Variants in IQCH observed in about 807,000 individuals in gnomAD.
IQCH encodes IQ motif containing H, also known as IQ domain-containing protein H.
IQCH carries 98 observed loss-of-function variants against 117.0 expected under a neutral mutation model. The ratio of observed to expected loss-of-function variants is 0.84; its 90% CI spans 0.71 to 0.99. The LOEUF (loss-of-function observed/expected upper bound fraction) is 0.99, where lower values mean the gene tolerates loss of function less well. IQCH is among the 50% of genes least tolerant of loss of function. IQCH has a pLI of 0.00. For missense variants in IQCH, 1,102 were observed against 1,243.8 expected (o/e 0.89, Z 1.72); for synonymous variants, 412 against 448.2 (o/e 0.92, Z 1.02).
chr15:67,335,701 C>T (rs191065352), intron 4 of IQCH, among the ~76,000 whole-genome samples: 1 of 152,218 alleles, frequency 6.6e-6, no homozygotes, highest in Non-Finnish European at 1.5e-5. Context: ...CTTATGAGTC[C>T]TGCACTCTCA....
chr15:67,475,770 T>C lies in IQCH; in HGVS notation c.2751T>C (p.Tyr917=), dbSNP rs775363723. ...GCAATCTCTCACTGGTTTTCCACTA[T>C]GTTTTTCTCCAGATCTGTAGGGCCC... ...RHSNLSLVFH[Y]VFLQICRAHG... is the part of the protein sequence containing the mutation. The change falls in exon 18 of 21, where the codon TAT becomes TAC. Residue 917 remains tyrosine (Y), a synonymous_variant. Transcript: ENST00000335894. This position sits in a 1 kb window ranked among gnomAD's most constrained non-coding sequence, Gnocchi z 5.7. 1.9e-5 allele frequency: 30 copies of C among 1,614,052 alleles called. No homozygotes were observed. The highest frequency in any genetic ancestry group is 2.7e-5 in the African/African-American group (2 of 74,942).
intron 4 of IQCH, among the ~76,000 whole-genome samples, chr15:67,282,715 GAT>G (rs1366625277): frequency 2.0e-5 from 3 of 152,116 alleles, no homozygotes; most frequent in Non-Finnish European, 2.9e-5. Context: ...ATCCAACTGG[GAT>G]ATTACTACCT....
At chr15:67,281,973 T>C (rs889311236) in intron 4 of IQCH, 2 of 350,554 alleles carry the variant, frequency 5.7e-6, no homozygotes, top group African/African-American at 4.3e-5. Context: ...TGTCAGCCAC[T>C]CTCTGAGGAG....
rs185168373 is a variant in IQCH, at chr15:67,326,295, G to A, written c.388-10680G>A. The stretch of plus-strand genomic sequence containing the variant: ...ATCCATGTCCCTACAAAGGACATGA[G>A]CTCATCCTTTTTATGGATGCATAGT... On this transcript the variant is annotated intron_variant, in intron 4 of 20. Coordinates refer to ENST00000335894, the MANE Select transcript of IQCH (RefSeq NM_001031715.3). Among the ~76,000 whole-genome samples, 58 of 152,270 alleles carry A rather than the reference G, an allele frequency of 3.8e-4. No individual in the cohort carries two copies. In the East Asian group the frequency reaches 6.4e-3, roughly 17 times the overall value.
At chr15:67,255,015 C>G (rs1043195261) in intron 1 of IQCH, 68 bp downstream of exon 1, 2 of 1,460,368 alleles carry the variant, frequency 1.4e-6, no homozygotes, top group African/African-American at 1.4e-5. Context: ...GTCCCGCGCG[C>G]CGATTCACCG....
rs2081374295 is a variant in IQCH, at chr15:67,408,971, A to C, written c.2098-7960A>C. On this transcript the variant is annotated intron_variant, in intron 14 of 20. Transcript: ENST00000335894. This position sits in a 1 kb window ranked among gnomAD's most constrained non-coding sequence, Gnocchi z 4.2. ...ATAATTTCCTTAAAACCATTTTCCAATGTTAAAAACGTTTCTAAAACACCA... is the reference window on the plus strand; with the variant it reads ...ATAATTTCCTTAAAACCATTTTCCACTGTTAAAAACGTTTCTAAAACACCA... 1.3e-5 allele frequency among the ~76,000 whole-genome samples: 2 copies of C among 152,178 alleles called. No individual in the cohort carries two copies. The highest frequency in any genetic ancestry group is 1.5e-5 in the Non-Finnish European group (1 of 68,022).
At chr15:67,323,007 G>A (rs1968212776) in intron 4 of IQCH, among the ~76,000 whole-genome samples, 1 of 152,232 alleles carries the variant, frequency 6.6e-6, no homozygotes, top group East Asian at 1.9e-4. Context: ...TCAATCAGAG[G>A]AAAGCACACC....
At chr15:67,482,778 A>G (rs889673021) in intron 18 of IQCH, among the ~76,000 whole-genome samples, 1 of 152,200 alleles carries the variant, frequency 6.6e-6, no homozygotes, top group African/African-American at 2.4e-5. Flanking sequence ...TACGTGGGAA[A>G]CGGGCCTGAG....
At position 67,414,796 on chromosome 15, in the gene IQCH, G is replaced by T. The variant is rs4776929; in HGVS notation, c.2098-2135G>T. Among the ~76,000 whole-genome samples, 7 of 151,870 alleles carry T rather than the reference G, an allele frequency of 4.6e-5. No homozygotes were observed. In the East Asian group the frequency reaches 1.4e-3, roughly 29 times the overall value. ...TGAATGAATGATTTATCTTTGGACT[G>T]TCTTGGTATGAATGACCACATGTGT... On this transcript the variant is annotated intron_variant, in intron 14 of 20. Coordinates refer to ENST00000335894, the MANE Select transcript of IQCH (RefSeq NM_001031715.3).
In IQCH at chr15:67,406,916, A is replaced by G. The variant is rs1481471321; in HGVS notation, c.2097+6611A>G. 6.6e-6 allele frequency: 1 copy of G among 152,224 alleles called. No homozygotes were observed. Among genetic ancestry groups the G allele is most frequent in the Non-Finnish European group, 1.5e-5 (1 of 68,024 alleles). 9.4% of individuals were successfully genotyped at this position (152,224 alleles called of 1,614,324 possible). ...ACTTTAAGAAATGCTACCTATTATT[A>G]TTGTTGTTATTATTACCATAAAATT... On this transcript the variant is annotated intron_variant, in intron 14 of 20. Transcript: ENST00000335894. The surrounding 1 kb of genome is among the most constrained non-coding windows in gnomAD (Gnocchi z 4.5).
chr15:67,480,625 C>G (rs1239631140), intron 18 of IQCH, among the ~76,000 whole-genome samples: 1 of 152,068 alleles, frequency 6.6e-6, no homozygotes, highest in Non-Finnish European at 1.5e-5. Context: ...AAAACAGAAA[C>G]CTAAAATTTT....
intron 7 of IQCH, among the ~76,000 whole-genome samples, chr15:67,358,821 A>G (rs1027926887): frequency 6.6e-6 from 1 of 152,234 alleles, no homozygotes; most frequent in Admixed American, 6.5e-5. Flanking sequence ...CCAGACTTTT[A>G]TCTTTCAATA....
chr15:67,387,372 G>A lies in IQCH; in HGVS notation c.1457-1459G>A, dbSNP rs1015599345. On this transcript the variant is annotated intron_variant, in intron 11 of 20. Coordinates refer to ENST00000335894, the MANE Select transcript of IQCH (RefSeq NM_001031715.3). The surrounding 1 kb of genome is among the most constrained non-coding windows in gnomAD (Gnocchi z 4.8). ...GTGTAAAAGACCTTCCCAACTTTGC[G>A]AATCTCTCCATCATCCCTTCAGTCA... Among the ~76,000 whole-genome samples, 5 of 152,020 alleles carry A rather than the reference G, an allele frequency of 3.3e-5. No individual in the cohort carries two copies. Among genetic ancestry groups the A allele is most frequent in the Admixed American group, 1.3e-4 (2 of 15,250 alleles).
At chr15:67,374,046 A>C (rs183527029) in intron 10 of IQCH, 1 of 152,498 alleles carries the variant, frequency 6.6e-6, no homozygotes, top group Admixed American at 6.5e-5. Context: ...AATTACATTT[A>C]TGAATTGGGG....
chr15:67,462,037 C>T (rs184965224), intron 16 of IQCH, among the ~76,000 whole-genome samples: 128 of 151,796 alleles, frequency 8.4e-4, no homozygotes, highest in Middle Eastern at 6.9e-3. Context: ...GTTATGTTGC[C>T]CAGGATCGTC....
At position 67,366,963 on chromosome 15, in the gene IQCH, A is replaced by G. The variant is rs1271200775; in HGVS notation, c.754-5148A>G. 1.3e-5 allele frequency among the ~76,000 whole-genome samples: 2 copies of G among 152,040 alleles called. No individual in the cohort carries two copies. On this transcript the variant is annotated intron_variant, in intron 8 of 20. Transcript: ENST00000335894. This position sits in a 1 kb window ranked among gnomAD's most constrained non-coding sequence, Gnocchi z 4.4. ...ATGCCATTGGAGATAGTTGCCTTTG[A>G]TTTGATGGCTTTACTGGCTCCAGAA...
At position 67,377,366 on chromosome 15, in the gene IQCH, TTAATA is replaced by T. The variant is rs558020076; in HGVS notation, c.1372+3938_1372+3942del. ...GATATTACATATTTTATCATTTTTA[TTAATA>T]TAATTATAACAAAATAATCTACAGT... On this transcript the variant is annotated intron_variant, in intron 10 of 20. Coordinates refer to ENST00000335894, the MANE Select transcript of IQCH (RefSeq NM_001031715.3). Among the ~76,000 whole-genome samples, 7 of 152,172 alleles carry T rather than the reference TTAATA, an allele frequency of 4.6e-5. No individual in the cohort carries two copies. In the South Asian group the frequency reaches 1.4e-3, roughly 32 times the overall value.
chr15:67,257,313 C>T (rs1160545203), intron 1 of IQCH, among the ~76,000 whole-genome samples: 1 of 152,208 alleles, frequency 6.6e-6, no homozygotes, highest in Non-Finnish European at 1.5e-5. Flanking sequence ...CAAATTGTTT[C>T]TGGCAAGTCA....
In IQCH at chr15:67,427,530, TA is replaced by T. The variant is rs1849871586; in HGVS notation, c.2505+5956del. The stretch of plus-strand genomic sequence containing the variant: ...TGTGCCTGGCCTCCAGCTCTTCTTC[TA>T]AATTGCTATATTACCTTGAACTTAT... On this transcript the variant is annotated intron_variant, in intron 16 of 20. Coordinates refer to ENST00000335894, the MANE Select transcript of IQCH (RefSeq NM_001031715.3). This position sits in a 1 kb window ranked among gnomAD's most constrained non-coding sequence, Gnocchi z 4.7. Among the ~76,000 whole-genome samples, 1 of 152,096 alleles carries T rather than the reference TA, an allele frequency of 6.6e-6. No homozygotes were observed. Among genetic ancestry groups the T allele is most frequent in the Non-Finnish European group, 1.5e-5 (1 of 68,002 alleles).
Sources: gnomAD v4.1 joint callset for allele counts (sites outside exome capture counted in the v4.1 genomes callset) on GRCh38, gnomAD v4.1.1 for gene constraint, Gnocchi (gnomAD v3.1) non-coding constraint, MANE v1.5 for transcripts, NCBI Gene and HGNC (gene_info 2026-07-23, HGNC 2026-07-21) for gene names.